The following RPH3AL variants were observed in gnomAD, a reference collection of about 807,000 sequenced individuals.
The protein encoded by RPH3AL is rab effector Noc2.
RPH3AL carries 38 observed loss-of-function variants against 43.1 expected under a neutral mutation model. That is an observed-to-expected ratio of 0.88 (90% CI 0.68 to 1.15). The LOEUF (loss-of-function observed/expected upper bound fraction) is 1.15. Ranked by LOEUF, RPH3AL falls within the 50% of genes most tolerant of loss-of-function variation. The pLI, the probability that RPH3AL is intolerant of heterozygous loss-of-function variation, is 0.00. For missense variants in RPH3AL, 462 were observed against 423.2 expected (o/e 1.09, Z -0.81); for synonymous variants, 189 against 176.3 (o/e 1.07, Z -0.57).
intron 6 of RPH3AL, among the ~76,000 whole-genome samples, chr17:268,964 T>C (rs12942148): frequency 0.31 from 47,343 of 151,950 alleles, 8,000 homozygotes; most frequent in South Asian, 0.57. Flanking sequence ...CCGCAAGCTC[T>C]GCCTCCCGGG....
intron 1 of RPH3AL, among the ~76,000 whole-genome samples, chr17:343,453 C>T (rs1490589439): frequency 6.6e-6 from 1 of 152,228 alleles, no homozygotes; most frequent in African/African-American, 2.4e-5. Flanking sequence ...GAATTCTCTT[C>T]TTCTGACAGG....
intron 7 of RPH3AL, among the ~76,000 whole-genome samples, chr17:239,190 T>C (rs2041470082): frequency 6.6e-6 from 1 of 152,136 alleles, no homozygotes; most frequent in Non-Finnish European, 1.5e-5. Context: ...CAAACTCAGG[T>C]AGTCAGCGCA....
At chr17:293,372 C>T (rs192904094) in intron 5 of RPH3AL, among the ~76,000 whole-genome samples, 63 of 151,706 alleles carry the variant, frequency 4.2e-4, no homozygotes, top group Middle Eastern at 3.4e-3. Context: ...ATGACTTGGA[C>T]GGGGCTTCGG....
intron 6 of RPH3AL, among the ~76,000 whole-genome samples, chr17:261,142 G>T (rs1003711325): frequency 6.6e-6 from 1 of 152,220 alleles, no homozygotes; most frequent in Non-Finnish European, 1.5e-5. Context: ...AAATTGCAAG[G>T]CTTAAGTAAC....
rs1260031668 is a variant in RPH3AL, at chr17:213,925, T to C, written c.877-2A>G. ...GGCTCGTCCAGGTGTGTCTTTTACC[T>C]TTGGATGAGAGAAAAGGCCACCACA... On this transcript the variant is annotated splice_acceptor_variant, in intron 9 of 9. Coordinates refer to ENST00000331302, the MANE Select transcript of RPH3AL (RefSeq NM_006987.4). LOFTEE classifies it high-confidence loss of function. 6.2e-7 allele frequency: 1 copy of C among 1,611,572 alleles called. No homozygotes were observed. Among genetic ancestry groups the C allele is most frequent in the South Asian group, 1.1e-5 (1 of 90,888 alleles).
At chr17:284,206 C>T (rs148928921) in intron 5 of RPH3AL, among the ~76,000 whole-genome samples, 4,657 of 152,280 alleles carry the variant, frequency 0.031, 83 homozygotes, top group Non-Finnish European at 0.044. Flanking sequence ...GAGCAGTTAT[C>T]GGACCGGGCC....
intron 2 of RPH3AL, among the ~76,000 whole-genome samples, chr17:330,130 A>C (rs2044715718): frequency 6.6e-6 from 1 of 152,220 alleles, no homozygotes; most frequent in South Asian, 2.1e-4. Context: ...CATTTCTATG[A>C]TGACCAGCAG....
At position 283,497 on chromosome 17, in the gene RPH3AL, G is replaced by A. The variant is rs1252528487; in HGVS notation, c.352-1643C>T. 3.3e-5 allele frequency among the ~76,000 whole-genome samples: 5 copies of A among 152,186 alleles called. No homozygotes were observed. The highest frequency in any genetic ancestry group is 1.2e-4 in the African/African-American group (5 of 41,448). ...TCCAAGCTCCTGTCCCTCTGGATTG[G>A]CAGGAAAATCTGCCCAAGCCTCAGC... On this transcript the variant is annotated intron_variant, in intron 5 of 9. Transcript: ENST00000331302. This position sits in a 1 kb window ranked among gnomAD's most constrained non-coding sequence, Gnocchi z 4.2.
In RPH3AL at chr17:261,760, C is replaced by T. The variant is rs571564608; in HGVS notation, c.439-14475G>A. On this transcript the variant is annotated intron_variant, in intron 6 of 9. Coordinates refer to ENST00000331302, the MANE Select transcript of RPH3AL (RefSeq NM_006987.4). ...CCCTTACACACACTCTTTTTAAGAA[C>T]TTAGGACGGGTTCCAGAAAAACACA... 10 of 152,204 alleles carry T rather than the reference C, an allele frequency of 6.6e-5. No individual in the cohort carries two copies. In the East Asian group the frequency reaches 1.9e-3, roughly 29 times the overall value. The allele number at this position is 152,204 out of a possible 1,614,324, so 9.4% of individuals were successfully genotyped here.
intron 6 of RPH3AL, among the ~76,000 whole-genome samples, chr17:278,777 A>G (rs989238655): frequency 6.6e-6 from 1 of 152,172 alleles, no homozygotes; most frequent in Non-Finnish European, 1.5e-5. Flanking sequence ...GGTGCTCAAT[A>G]AATGTGTCAG....
intron 7 of RPH3AL, among the ~76,000 whole-genome samples, chr17:238,750 G>A (rs1429125450): frequency 3.3e-5 from 5 of 152,152 alleles, no homozygotes; most frequent in Admixed American, 1.3e-4. Flanking sequence ...ACCCCCAGCA[G>A]CTCTCTCTCT....
At chr17:252,096 C>T (rs569253322) in intron 6 of RPH3AL, among the ~76,000 whole-genome samples, 3 of 151,954 alleles carry the variant, frequency 2.0e-5, no homozygotes, top group South Asian at 2.1e-4. Context: ...CTCACCCTCC[C>T]GAGTAGCTGG....
At chr17:240,325 G>C (rs1390917030) in intron 7 of RPH3AL, among the ~76,000 whole-genome samples, 3 of 151,898 alleles carry the variant, frequency 2.0e-5, no homozygotes, top group Non-Finnish European at 2.9e-5. Flanking sequence ...TACCATAAAA[G>C]GTACCCTCAG....
intron 7 of RPH3AL, among the ~76,000 whole-genome samples, chr17:230,206 T>C (rs960424348): frequency 1.3e-5 from 2 of 151,952 alleles, no homozygotes; most frequent in Non-Finnish European, 2.9e-5. Flanking sequence ...TACCATCGAT[T>C]TTCATTTACT....
chr17:292,649 GC>G (rs1289042958), intron 5 of RPH3AL, among the ~76,000 whole-genome samples: 3 of 152,092 alleles, frequency 2.0e-5, no homozygotes, highest in Admixed American at 2.0e-4. Flanking sequence ...ACTCTTGCAG[GC>G]CCTCATCCTC....
At chr17:349,522 T>C (rs1376771649) in intron 1 of RPH3AL, 1 of 152,136 alleles carries the variant, frequency 6.6e-6, no homozygotes, top group Non-Finnish European at 1.5e-5. Flanking sequence ...ACATATTGAT[T>C]ATTTCAAAAA....
intron 6 of RPH3AL, among the ~76,000 whole-genome samples, chr17:269,084 T>C (rs190561887): frequency 6.8e-4 from 103 of 152,294 alleles, no homozygotes; most frequent in African/African-American, 1.3e-3. Context: ...TTCACCGTGT[T>C]AGCCAGGATG....
At chr17:216,623 C>G (rs1343262056) in intron 8 of RPH3AL, among the ~76,000 whole-genome samples, 1 of 152,064 alleles carries the variant, frequency 6.6e-6, no homozygotes, top group Non-Finnish European at 1.5e-5. Context: ...AGTATAAAGC[C>G]TGCCCTGGAA....
intron 6 of RPH3AL, among the ~76,000 whole-genome samples, chr17:275,060 C>G (rs1430274867): frequency 6.6e-6 from 1 of 152,048 alleles, no homozygotes; most frequent in East Asian, 1.9e-4. Flanking sequence ...GGAGCATGAG[C>G]TGGTATTAAT....
Sources: allele counts gnomAD v4.1 joint callset (sites outside exome capture counted in the v4.1 genomes callset), GRCh38; gene constraint gnomAD v4.1.1; non-coding constraint Gnocchi (gnomAD v3.1); transcripts MANE v1.5; gene names NCBI Gene and HGNC (gene_info 2026-07-23, HGNC 2026-07-21).